The following MSRA variants were observed in gnomAD, a reference collection of about 807,000 sequenced individuals.
MSRA encodes the protein methionine sulfoxide reductase A.
Under a neutral mutation model 31.3 loss-of-function variants are expected in MSRA, and 54 were observed. The ratio of observed to expected loss-of-function variants is 1.73; its 90% CI spans 1.39 to 2.17. MSRA has a LOEUF of 2.17. Among genes scored for constraint, MSRA ranks in the 30% most tolerant of loss-of-function variants. The pLI is 0.00. For missense variants in MSRA, 507 were observed against 300.9 expected (o/e 1.69, Z -5.07); for synonymous variants, 169 against 116.5 (o/e 1.45, Z -2.90).
intron 2 of MSRA, among the ~76,000 whole-genome samples, chr8:10,227,901 G>C (rs375599706): frequency 1.3e-5 from 2 of 152,276 alleles, no homozygotes; most frequent in African/African-American, 4.8e-5. Flanking sequence ...ACATGATGTA[G>C]ATTTTCAGAA....
chr8:10,191,665 A>G (rs1266667710), intron 1 of MSRA, among the ~76,000 whole-genome samples: 1 of 152,188 alleles, frequency 6.6e-6, no homozygotes, highest in Non-Finnish European at 1.5e-5. Flanking sequence ...ATAGTCTCCA[A>G]CTTAGAAATG....
At chr8:10,171,017 C>T (rs1805541586) in intron 1 of MSRA, among the ~76,000 whole-genome samples, 1 of 152,188 alleles carries the variant, frequency 6.6e-6, no homozygotes, top group East Asian at 1.9e-4. Flanking sequence ...GAGGGGAAAG[C>T]AGTCAGTTTT....
At chr8:10,214,474 A>T (rs1200048801) in intron 2 of MSRA, among the ~76,000 whole-genome samples, 1 of 152,172 alleles carries the variant, frequency 6.6e-6, no homozygotes, top group East Asian at 1.9e-4. Flanking sequence ...CTTCAAAGGG[A>T]AGTGTCTTGG....
chr8:10,298,970 C>T (rs751702077), intron 3 of MSRA, among the ~76,000 whole-genome samples: 4 of 152,074 alleles, frequency 2.6e-5, no homozygotes, highest in Non-Finnish European at 4.4e-5. Flanking sequence ...TACATACACC[C>T]GTGGGGTTTC....
intron 5 of MSRA, among the ~76,000 whole-genome samples, chr8:10,347,927 C>A (rs979406630): frequency 6.6e-6 from 1 of 152,176 alleles, no homozygotes; most frequent in Non-Finnish European, 1.5e-5. Context: ...CTGTAGTGAT[C>A]GATGCAGATG....
At chr8:10,291,476 C>G (rs769660541) in intron 3 of MSRA, among the ~76,000 whole-genome samples, 4 of 151,652 alleles carry the variant, frequency 2.6e-5, no homozygotes, top group African/African-American at 4.9e-5. Flanking sequence ...CTATAATGAA[C>G]TCCACAGGGC....
At chr8:10,348,083 G>A (rs992209459) in intron 5 of MSRA, among the ~76,000 whole-genome samples, 1 of 152,182 alleles carries the variant, frequency 6.6e-6, no homozygotes, top group East Asian at 1.9e-4. Context: ...TCACGTTAAG[G>A]TGGGTTCATC....
intron 4 of MSRA, among the ~76,000 whole-genome samples, chr8:10,318,764 G>A (rs1418202378): frequency 6.6e-6 from 1 of 152,162 alleles, no homozygotes; most frequent in African/African-American, 2.4e-5. Context: ...TGAGTTTCCA[G>A]TCATCTTTCC....
intron 3 of MSRA, among the ~76,000 whole-genome samples, chr8:10,270,679 A>G (rs1214167282): frequency 6.6e-6 from 1 of 152,208 alleles, no homozygotes; most frequent in Non-Finnish European, 1.5e-5. Flanking sequence ...AGGTGGATGT[A>G]CCTGAGGTTC....
chr8:10,361,921 C>T (rs1187350465), intron 5 of MSRA, among the ~76,000 whole-genome samples: 1 of 152,104 alleles, frequency 6.6e-6, no homozygotes, highest in African/African-American at 2.4e-5. Flanking sequence ...CCGTTGTCTT[C>T]CCCCTCATTT....
intron 2 of MSRA, among the ~76,000 whole-genome samples, chr8:10,233,073 T>A (rs1481158058): frequency 6.6e-6 from 1 of 152,260 alleles, no homozygotes; most frequent in Non-Finnish European, 1.5e-5. Context: ...TTCAGACCAC[T>A]GTCATCAGTA....
intron 2 of MSRA, among the ~76,000 whole-genome samples, chr8:10,240,394 C>G: frequency 6.6e-6 from 1 of 152,160 alleles, no homozygotes; most frequent in South Asian, 2.1e-4. Flanking sequence ...GTTCCTGCAT[C>G]CATTACGCAG....
intron 5 of MSRA, among the ~76,000 whole-genome samples, chr8:10,343,122 T>C (rs1803545627): frequency 6.6e-6 from 1 of 152,080 alleles, no homozygotes; most frequent in African/African-American, 2.4e-5. Context: ...TGTAATATTT[T>C]AGCAGTCACT....
At chr8:10,141,821 C>A (rs75521334) in intron 1 of MSRA, among the ~76,000 whole-genome samples, 1 of 151,796 alleles carries the variant, frequency 6.6e-6, no homozygotes, top group East Asian at 1.9e-4. Flanking sequence ...AGGTTTTTTG[C>A]CAGGTGAAAA....
intron 2 of MSRA, among the ~76,000 whole-genome samples, chr8:10,227,081 C>T (rs1025972496): frequency 6.6e-6 from 1 of 152,164 alleles, no homozygotes; most frequent in Non-Finnish European, 1.5e-5. Context: ...GCTCCACTGT[C>T]CTTCAGAGAT....
chr8:10,322,773 G>C (rs1207064599), intron 5 of MSRA, among the ~76,000 whole-genome samples: 1 of 152,160 alleles, frequency 6.6e-6, no homozygotes, highest in Non-Finnish European at 1.5e-5. Context: ...TTGCTGATAA[G>C]ATTACTTGGG....
chr8:10,318,959 C>T (rs555387110), intron 4 of MSRA, among the ~76,000 whole-genome samples: 7 of 152,238 alleles, frequency 4.6e-5, no homozygotes, highest in Admixed American at 1.3e-4. Flanking sequence ...TTTGTTCTAC[C>T]TTCACCCTTG....
chr8:10,371,691 A>G (rs1201028830), intron 5 of MSRA, among the ~76,000 whole-genome samples: 1 of 152,058 alleles, frequency 6.6e-6, no homozygotes, highest in African/African-American at 2.4e-5. Flanking sequence ...TGTTTGCCTC[A>G]GTACCTCTGT....
rs142465834 is a variant in MSRA at position 10,367,009 on chromosome 8, C to G, written c.543+47020C>G. ...TTCTGTGGTTTCAGTTACCTGTGGTCAGGTAACTGCAGCCCAAAAATATTG... is the reference window on the plus strand; with the variant it reads ...TTCTGTGGTTTCAGTTACCTGTGGTGAGGTAACTGCAGCCCAAAAATATTG... On this transcript the variant is annotated intron_variant, in intron 5 of 5. Coordinates refer to ENST00000317173, the MANE Select transcript of MSRA (RefSeq NM_012331.5). Among the ~76,000 whole-genome samples, 221 of 152,234 alleles carry G rather than the reference C, an allele frequency of 1.5e-3. 3 individuals carry two copies. Among genetic ancestry groups the G allele is most frequent in the African/African-American group, 4.1e-3 (171 of 41,524 alleles).
Sources: allele counts gnomAD v4.1 joint callset (sites outside exome capture counted in the v4.1 genomes callset), GRCh38; gene constraint gnomAD v4.1.1; transcripts MANE v1.5; gene names NCBI Gene and HGNC (gene_info 2026-07-23, HGNC 2026-07-21).